The following MECR variants were observed in gnomAD, a reference collection of about 807,000 sequenced individuals.
MECR encodes mitochondrial trans-2-enoyl-CoA reductase, also known as enoyl-[acyl-carrier-protein] reductase, mitochondrial.
A neutral mutation model predicts 49.1 loss-of-function variants in MECR; 37 were observed. The observed-to-expected ratio is 0.75, with a 90% CI of 0.58 to 0.99. The LOEUF is 0.99. Ranked by LOEUF, MECR falls within the 50% of genes least tolerant of loss-of-function variation. MECR has a pLI of 0.00. For synonymous variants in MECR, 198 were observed against 191.1 expected (o/e 1.04, Z -0.30); for missense variants, 470 against 479.6 (o/e 0.98, Z 0.19).
At chr1:29,195,549 T>G (rs1673762855) in intron 9 of MECR, among the ~76,000 whole-genome samples, 1 of 152,208 alleles carries the variant, frequency 6.6e-6, no homozygotes. Flanking sequence ...AGTTTAAACT[T>G]AGGACATTTA....
chr1:29,226,167 TAAAAAAAAAAA>T (rs57234529), intron 1 of MECR, among the ~76,000 whole-genome samples: 33 of 44,400 alleles, frequency 7.4e-4, no homozygotes, highest in African/African-American at 2.7e-3. Context: ...AGGCTCTATC[TAAAAAAAAAAA>T]AAAAAAAAAA....
At chr1:29,186,289 TCA>T in the MECR span, among the ~76,000 whole-genome samples, 5 of 152,230 alleles carry the variant, frequency 3.3e-5, no homozygotes, top group African/African-American at 1.2e-4. Context: ...ATCAGACTGT[TCA>T]CAGTCAGGGC....
the MECR span, among the ~76,000 whole-genome samples, chr1:29,182,169 C>G: frequency 1.3e-5 from 2 of 152,218 alleles, no homozygotes; most frequent in African/African-American, 2.4e-5. Context: ...GCCCAGCGAG[C>G]GAGCGTTTGT....
At chr1:29,206,352 G>A (rs889070138) in intron 4 of MECR, among the ~76,000 whole-genome samples, 3 of 152,194 alleles carry the variant, frequency 2.0e-5, no homozygotes, top group African/African-American at 7.2e-5. Context: ...GCCTGTCAAC[G>A]CACTTCTGTG....
chr1:29,180,664 C>A, the MECR span, among the ~76,000 whole-genome samples: 1 of 152,154 alleles, frequency 6.6e-6, no homozygotes, highest in African/African-American at 2.4e-5. Flanking sequence ...AAATGTCACC[C>A]CAGTCCTTTT....
intron 3 of MECR, among the ~76,000 whole-genome samples, chr1:29,208,731 T>C (rs1159638412): frequency 1.3e-5 from 2 of 152,200 alleles, no homozygotes; most frequent in African/African-American, 4.8e-5. Flanking sequence ...TCTACAGATA[T>C]TTATCTTGCA....
Position 29,201,803 on chromosome 1 carries a change from TG to T in MECR, c.756+139del. ...CTGCCTGCCGCCTGGCTAGGGGGAA[TG>T]GGCTTTAACCAACCAAGAGGCAAAG... is the stretch of plus-strand genomic sequence containing the variant. On this transcript the variant is annotated intron_variant, in intron 6 of 9. Coordinates refer to ENST00000263702, the MANE Select transcript of MECR (RefSeq NM_016011.5). This position sits in a 1 kb window ranked among gnomAD's most constrained non-coding sequence, Gnocchi z 4.3. 1.3e-6 allele frequency: 1 copy of T among 751,164 alleles called. No individual in the cohort carries two copies. The highest frequency in any genetic ancestry group is 2.3e-6 in the Non-Finnish European group (1 of 430,972). The allele number at this position is 751,164 out of a possible 1,614,324, so 46.5% of individuals were successfully genotyped here.
At chr1:29,168,012 C>CTTTTT in the MECR span, among the ~76,000 whole-genome samples, 49 of 133,310 alleles carry the variant, frequency 3.7e-4, no homozygotes, top group African/African-American at 1.2e-3. Context: ...GTTCTAATTC[C>CTTTTT]TTTTTTTTTT....
At position 29,201,898 on chromosome 1, in the gene MECR, G is replaced by A. The variant is rs369277714; in HGVS notation, c.756+45C>T. 3.4e-6 allele frequency: 5 copies of A among 1,454,612 alleles called. No homozygotes were observed. The African/African-American group carries it at 5.6e-5, about 16-fold the overall frequency. 90.1% of individuals were successfully genotyped at this position (1,454,612 alleles called of 1,614,324 possible). A position where few individuals can be genotyped will look rare whatever the true frequency, so the allele number is the denominator to read the frequency against. ...CTAATGCATGTCAACTTTCTTCAGG[G>A]AGATGTGCGTGGACTGGAGGGGCAA... On this transcript the variant is annotated intron_variant, in intron 6 of 9. Coordinates refer to ENST00000263702, the MANE Select transcript of MECR (RefSeq NM_016011.5). The surrounding 1 kb of genome is among the most constrained non-coding windows in gnomAD (Gnocchi z 4.3).
chr1:29,218,293 G>A (rs140233145), intron 1 of MECR, among the ~76,000 whole-genome samples: 107 of 152,282 alleles, frequency 7.0e-4, no homozygotes, highest in Non-Finnish European at 1.0e-3. Context: ...TCAGTGTACT[G>A]GACCCATGGG....
intron 3 of MECR, among the ~76,000 whole-genome samples, chr1:29,209,723 C>A (rs1677485228): frequency 6.6e-6 from 1 of 152,138 alleles, no homozygotes; most frequent in Non-Finnish European, 1.5e-5. Flanking sequence ...GAGACTCCAG[C>A]CTTGGTTCCA....
At chr1:29,169,073 TA>T in the MECR span, 1 of 152,272 alleles carries the variant, frequency 6.6e-6, no homozygotes, top group Admixed American at 6.5e-5. Context: ...CATTTCTTTG[TA>T]ATAATTACTA....
In MECR at chr1:29,203,112, A is replaced by G; in HGVS notation, c.653+19T>C. 1.9e-6 allele frequency: 3 copies of G among 1,548,748 alleles called. No homozygotes were observed. The highest frequency in any genetic ancestry group is 2.6e-6 in the Non-Finnish European group (3 of 1,141,966). ...AGACCCAAGACATGGTCTGGGATGA[A>G]GCCTCCTTCCCCACGCACCTGTCTC... On this transcript the variant is annotated intron_variant, in intron 5 of 9. Coordinates refer to ENST00000263702, the MANE Select transcript of MECR (RefSeq NM_016011.5).
chr1:29,222,739 A>G (rs1053007500), intron 1 of MECR, among the ~76,000 whole-genome samples: 2 of 152,136 alleles, frequency 1.3e-5, no homozygotes, highest in Admixed American at 1.3e-4. Flanking sequence ...AGGGTTTAGG[A>G]GATGGGAAGT....
chr1:29,177,395 C>T, the MECR span, among the ~76,000 whole-genome samples: 3 of 151,590 alleles, frequency 2.0e-5, no homozygotes, highest in Non-Finnish European at 4.4e-5. Context: ...GATTCTCTTG[C>T]CTCAGCCTCC....
intron 7 of MECR, among the ~76,000 whole-genome samples, chr1:29,198,499 G>A (rs377022401): frequency 1.3e-5 from 2 of 152,348 alleles, no homozygotes; most frequent in African/African-American, 2.4e-5. Flanking sequence ...GAGGTCTGCC[G>A]CAGGGGTTGT....
In MECR at chr1:29,230,757, G is replaced by A. The variant is rs1306761358; in HGVS notation, c.150C>T (p.His50=). 4.4e-6 allele frequency: 7 copies of A among 1,592,244 alleles called. No individual in the cohort carries two copies. In the African/African-American group the frequency reaches 6.7e-5, roughly 15 times the overall value. ...CGACGACCTTGGCTGGATCCCCGTG[G>A]TGCCCATAGACAAGCGCCCGGACCC... The part of the protein sequence containing the change: ...PARVRALVYG[H]HGDPAKVVEL... The change falls in exon 1 of 10, where the codon CAC becomes CAT. Residue 50 remains histidine (H), a synonymous_variant. Transcript: ENST00000263702.
At position 29,226,549 on chromosome 1, in the gene MECR, T is replaced by C. The variant is rs577284894; in HGVS notation, c.176+4182A>G. Among the ~76,000 whole-genome samples the C allele has an allele frequency of 6.1e-4, 93 of 152,322 alleles. 2 individuals carry two copies. The South Asian group carries it at 8.7e-3, about 14-fold the overall frequency. ...GTGTTTGAGATCATCTTGGGCAACA[T>C]GGTGAAACCCCATCTATATTTTTTA... On this transcript the variant is annotated intron_variant, in intron 1 of 9. Coordinates refer to ENST00000263702, the MANE Select transcript of MECR (RefSeq NM_016011.5).
At chr1:29,218,815 A>G (rs980752279) in intron 1 of MECR, among the ~76,000 whole-genome samples, 2 of 152,168 alleles carry the variant, frequency 1.3e-5, no homozygotes, top group Non-Finnish European at 2.9e-5. Context: ...GAGCCCTTGT[A>G]ATAGTAATAA....
Sources: gnomAD v4.1 joint callset for allele counts (sites outside exome capture counted in the v4.1 genomes callset) on GRCh38, gnomAD v4.1.1 for gene constraint, Gnocchi (gnomAD v3.1) non-coding constraint, MANE v1.5 for transcripts, NCBI Gene and HGNC (gene_info 2026-07-23, HGNC 2026-07-21) for gene names.